Variants in LRP6 observed in about 807,000 individuals in gnomAD.
LRP6 encodes low-density lipoprotein receptor-related protein 6.
Under a neutral mutation model 184.1 loss-of-function variants are expected in LRP6, and 43 were observed. The ratio of observed to expected loss-of-function variants is 0.23; its 90% CI spans 0.18 to 0.30. LRP6 has a LOEUF of 0.30. LRP6 is among the 10% of genes least tolerant of loss of function. The pLI is 1.00. For synonymous variants in LRP6, 719 were observed against 684.9 expected, an observed-to-expected ratio of 1.05 and a Z score of -0.78; for missense variants, 1,571 against 2,005.3, an observed-to-expected ratio of 0.78 and a Z score of 4.14.
At chr12:12,212,348 T>C (rs1864233094) in intron 2 of LRP6, among the ~76,000 whole-genome samples, 1 of 152,246 alleles carries the variant, frequency 6.6e-6, no homozygotes, top group Non-Finnish European at 1.5e-5. Context: ...GATTACATTA[T>C]TCTACTATGC....
At chr12:12,145,421 AG>A (rs1949990680) in intron 15 of LRP6, among the ~76,000 whole-genome samples, 2 of 152,100 alleles carry the variant, frequency 1.3e-5, no homozygotes, top group Admixed American at 1.3e-4. Context: ...TCAACATTTT[AG>A]TATGCTAATG....
rs1949576924 is a variant in LRP6, at chr12:12,119,991, ATATATATATAT to A, written c.*1124_*1134del. ...CTCAGAAAACAAACAAACAAACAAAATATATATATATATATATATATATATATATATATATA... is the reference window on the plus strand; with the variant it reads ...CTCAGAAAACAAACAAACAAACAAAAATATATATATATATATATATATATA... On this transcript the variant is annotated 3_prime_UTR_variant, in exon 23 of 23. Coordinates refer to ENST00000261349, the MANE Select transcript of LRP6 (RefSeq NM_002336.3). The A allele has an allele frequency of 3.1e-4, 1 of 3,234 alleles. No homozygotes were observed. The highest frequency in any genetic ancestry group is 0.01 in the South Asian group (1 of 98). 0.2% of individuals were successfully genotyped at this position (3,234 alleles called of 1,614,324 possible). A position where few individuals can be genotyped will look rare whatever the true frequency, so the allele number is the denominator to read the frequency against.
At position 12,164,721 on chromosome 12, in the gene LRP6, T is replaced by C. The variant is rs867298799; in HGVS notation, c.1763-159A>G. ...CAATTCTAATATCACAAACAAGTAA[T>C]ATGCAGATTAATAGGGAGTAAAAGC... On this transcript the variant is annotated intron_variant, in intron 8 of 22. Coordinates refer to ENST00000261349, the MANE Select transcript of LRP6 (RefSeq NM_002336.3). Among the ~76,000 whole-genome samples the C allele has an allele frequency of 1.2e-4, 19 of 152,130 alleles. No individual in the cohort carries two copies. The South Asian group carries it at 1.5e-3, about 12-fold the overall frequency.
chr12:12,147,681 G>A (rs543452870), intron 14 of LRP6, 125 bp from the exon 15 acceptor site: 133 of 834,112 alleles, frequency 1.6e-4, no homozygotes, highest in Non-Finnish European at 2.0e-4. Flanking sequence ...TTTAAAATAC[G>A]TATTTTTTGA....
chr12:12,210,552 C>T (rs1034913605), intron 2 of LRP6, among the ~76,000 whole-genome samples: 16 of 152,282 alleles, frequency 1.1e-4, no homozygotes, highest in Admixed American at 9.2e-4. Flanking sequence ...AGTTGGTCTA[C>T]AGTAACAGGG....
chr12:12,246,467 C>G lies in LRP6; in HGVS notation c.56-1812G>C, dbSNP rs145961051. Among the ~76,000 whole-genome samples the G allele has an allele frequency of 3.3e-3, 500 of 151,896 alleles. 4 individuals are homozygous for G. The highest frequency in any genetic ancestry group is 0.011 in the African/African-American group (471 of 41,452). On this transcript the variant is annotated intron_variant, in intron 1 of 22. Coordinates refer to ENST00000261349, the MANE Select transcript of LRP6 (RefSeq NM_002336.3). ...GTGGCTCACGCCTGTAATCCCAGCACTTTGGTTAAGCCCGGGAGTTCAAGA... is the reference window on the plus strand; with the variant it reads ...GTGGCTCACGCCTGTAATCCCAGCAGTTTGGTTAAGCCCGGGAGTTCAAGA...
intron 9 of LRP6, among the ~76,000 whole-genome samples, chr12:12,163,141 AAT>A (rs1638327639): frequency 6.6e-6 from 1 of 151,746 alleles, no homozygotes; most frequent in Non-Finnish European, 1.5e-5. Flanking sequence ...ATGACCAGCT[AAT>A]TTTTGTATTT....
At chr12:12,151,834 GC>G (rs1413730260) in intron 12 of LRP6, among the ~76,000 whole-genome samples, 1 of 152,008 alleles carries the variant, frequency 6.6e-6, no homozygotes, top group African/African-American at 2.4e-5. Flanking sequence ...GAGCCACTGT[GC>G]CCACCCATAA....
intron 3 of LRP6, among the ~76,000 whole-genome samples, chr12:12,190,090 A>G (rs1431940449): frequency 3.3e-5 from 5 of 152,254 alleles, no homozygotes; most frequent in Non-Finnish European, 5.9e-5. Context: ...ATATGTAATT[A>G]ACAGAGCTGA....
chr12:12,144,840 A>C (rs982640249), intron 15 of LRP6, among the ~76,000 whole-genome samples: 6 of 143,918 alleles, frequency 4.2e-5, no homozygotes, highest in African/African-American at 1.6e-4. Context: ...ACATGTTCTC[A>C]CTCACAGGTG....
chr12:12,249,073 A>G, intron 1 of LRP6: 1 of 697,782 alleles, frequency 1.4e-6, no homozygotes, highest in Non-Finnish European at 2.6e-6. Flanking sequence ...AGAAAGGAGT[A>G]GGAGATGGCA....
At chr12:12,240,471 C>G (rs1865035666) in intron 2 of LRP6, among the ~76,000 whole-genome samples, 1 of 152,034 alleles carries the variant, frequency 6.6e-6, no homozygotes, top group Non-Finnish European at 1.5e-5. Flanking sequence ...ACTCGGGAGG[C>G]TGAGGCAGGA....
At chr12:12,202,109 C>T (rs1317700411) in intron 3 of LRP6, among the ~76,000 whole-genome samples, 2 of 152,212 alleles carry the variant, frequency 1.3e-5, no homozygotes, top group African/African-American at 4.8e-5. Context: ...AAAATCTGAA[C>T]ATAATCTGAG....
At chr12:12,190,571 C>T (rs1863588253) in intron 3 of LRP6, among the ~76,000 whole-genome samples, 1 of 152,216 alleles carries the variant, frequency 6.6e-6, no homozygotes, top group Non-Finnish European at 1.5e-5. Context: ...ATTCTTTGAA[C>T]TCTGCAAGTG....
At chr12:12,192,989 T>G (rs975866558) in intron 3 of LRP6, among the ~76,000 whole-genome samples, 2 of 152,016 alleles carry the variant, frequency 1.3e-5, no homozygotes, top group Non-Finnish European at 2.9e-5. Context: ...ACAGAATTAA[T>G]CTTAAAAGAC....
intron 1 of LRP6, among the ~76,000 whole-genome samples, chr12:12,266,132 C>CAACT (rs1259897706): frequency 6.6e-6 from 1 of 152,278 alleles, no homozygotes; most frequent in East Asian, 1.9e-4. Flanking sequence ...AGTCACTTTC[C>CAACT]AACTGCGCTC....
At chr12:12,248,916 G>T in intron 1 of LRP6, 1 of 373,906 alleles carries the variant, frequency 2.7e-6, no homozygotes, top group Non-Finnish European at 4.9e-6. Context: ...CTATATATAG[G>T]TATCCTAAGA....
intron 2 of LRP6, among the ~76,000 whole-genome samples, chr12:12,224,008 T>C (rs1168849252): frequency 6.6e-6 from 1 of 152,212 alleles, no homozygotes; most frequent in Non-Finnish European, 1.5e-5. Flanking sequence ...GTAAAGAATA[T>C]GTGCAGTGCC....
At chr12:12,211,842 A>T (rs1289708081) in intron 2 of LRP6, among the ~76,000 whole-genome samples, 1 of 152,238 alleles carries the variant, frequency 6.6e-6, no homozygotes, top group African/African-American at 2.4e-5. Context: ...AGCGGGTAAC[A>T]GATTACATCA....
Sources: allele counts gnomAD v4.1 joint callset (sites outside exome capture counted in the v4.1 genomes callset), GRCh38; gene constraint gnomAD v4.1.1; transcripts MANE v1.5; gene names NCBI Gene and HGNC (gene_info 2026-07-23, HGNC 2026-07-21).